Variants in SESN2 observed in about 807,000 individuals in gnomAD.
SESN2 encodes the protein sestrin-2.
A neutral mutation model predicts 56.0 loss-of-function variants in SESN2; 42 were observed. The observed-to-expected ratio is 0.75, with a 90% confidence interval of 0.59 to 0.97. The LOEUF (loss-of-function observed/expected upper bound fraction) is 0.97, where lower values mean the gene tolerates loss of function less well. Ranked by LOEUF, SESN2 falls within the 50% of genes least tolerant of loss-of-function variation. The pLI is 0.00. For synonymous variants in SESN2, 264 were observed against 267.1 expected, an observed-to-expected ratio of 0.99 and a Z score of 0.11; for missense variants, 507 against 649.4, an observed-to-expected ratio of 0.78 and a Z score of 2.38.
intron 1 of SESN2, among the ~76,000 whole-genome samples, chr1:28,265,231 C>T (rs1200480909): frequency 6.6e-6 from 1 of 152,190 alleles, no homozygotes; most frequent in African/African-American, 2.4e-5. Flanking sequence ...TTGGAGGGGT[C>T]ATTTCTTGGC....
Position 28,272,705 on chromosome 1 carries a change from A to T in SESN2, c.662A>T (p.Asp221Val), listed in dbSNP as rs767330696. The T allele has an allele frequency of 1.9e-6, 3 of 1,612,244 alleles. No homozygotes were observed. The highest frequency in any genetic ancestry group is 2.5e-6 in the Non-Finnish European group (3 of 1,178,386). Residue 221 changes from aspartate to valine, a missense_variant, in exon 5 of 10, where the codon GAT (aspartate) becomes GTT (valine). Transcript: ENST00000253063. ...GGCTGTGGCATCCTCCCTGAGGGGG[A>T]TGCAGATGGCAGCCCTGCCCCCCAG... ...VFGCGILPEG[D>V]ADGSPAPQAP...
intron 8 of SESN2, among the ~76,000 whole-genome samples, chr1:28,278,562 G>A (rs892863343): frequency 6.6e-6 from 1 of 152,178 alleles, no homozygotes; most frequent in Non-Finnish European, 1.5e-5. Flanking sequence ...GCGAGACTCC[G>A]TCTCAAAAGA....
At chr1:28,273,277 T>G in intron 5 of SESN2, 81 bp from the exon 6 acceptor site, 1 of 1,377,244 alleles carries the variant, frequency 7.3e-7, no homozygotes. Flanking sequence ...TAGGAAGGCC[T>G]GGCCTCTGGG....
chr1:28,274,708 C>A, intron 7 of SESN2, 117 bp from the exon 8 acceptor site: 1 of 804,086 alleles, frequency 1.2e-6, no homozygotes, highest in Non-Finnish European at 2.0e-6. Flanking sequence ...GCAAGCAGCA[C>A]GTTAGGTTTA....
chr1:28,271,732 C>T lies in SESN2; in HGVS notation c.215C>T (p.Ser72Phe), dbSNP rs1647782639. The T allele has an allele frequency of 1.2e-6, 2 of 1,614,086 alleles. No homozygotes were observed. Among genetic ancestry groups the T allele is most frequent in the Admixed American group, 3.3e-5 (2 of 60,006 alleles). ...CACCTGGGGCTGGAGGCACTGATGTCCTCTGGGCGAGTAGACAACCTGGCA... is the reference window on the plus strand; with the variant it reads ...CACCTGGGGCTGGAGGCACTGATGTTCTCTGGGCGAGTAGACAACCTGGCA... The part of the protein sequence containing the change: ...EQHLGLEALM[S>F]SGRVDNLAVV... Residue 72 changes from serine to phenylalanine, a missense_variant, in exon 3 of 10, where the codon TCC (serine) becomes TTC (phenylalanine). By Grantham distance (155) the Ser-to-Phe change is radical (BLOSUM62 -2). Transcript: ENST00000253063.
intron 1 of SESN2, among the ~76,000 whole-genome samples, chr1:28,267,238 C>G (rs1057394067): frequency 2.0e-5 from 3 of 152,178 alleles, no homozygotes; most frequent in Admixed American, 1.3e-4. Flanking sequence ...CTTGGACCAG[C>G]CTGGCCCGGA....
chr1:28,272,808 T>A lies in SESN2; in HGVS notation c.750+15T>A. ...ACAACTCTGGGGTAAGTCACGGGCC[T>A]GGGTCTTGATCGGGGAGGAAGCGGG... On this transcript the variant is annotated intron_variant, in intron 5 of 9. Coordinates refer to ENST00000253063, the MANE Select transcript of SESN2 (RefSeq NM_031459.5). 6.6e-7 allele frequency: 1 copy of A among 1,517,090 alleles called. No homozygotes were observed. The highest frequency in any genetic ancestry group is 9.0e-7 in the Non-Finnish European group (1 of 1,109,044). The allele number at this position is 1,517,090 out of a possible 1,614,324, so 94.0% of individuals were successfully genotyped here.
chr1:28,272,181 T>TG, intron 3 of SESN2, 103 bp from the exon 4 acceptor site: 2 of 1,221,558 alleles, frequency 1.6e-6, no homozygotes, highest in Admixed American at 4.1e-5. Flanking sequence ...TCCTGCCTCT[T>TG]GGGGAACAGT....
chr1:28,282,097 A>T lies in SESN2; in HGVS notation c.*1295A>T, dbSNP rs953753118. 6.6e-6 allele frequency: 1 copy of T among 152,262 alleles called. No homozygotes were observed. The highest frequency in any genetic ancestry group is 2.4e-5 in the African/African-American group (1 of 41,448). The allele number at this position is 152,262 out of a possible 1,614,324, so 9.4% of individuals were successfully genotyped here. On this transcript the variant is annotated 3_prime_UTR_variant, in exon 10 of 10. Transcript: ENST00000253063. Reference sequence around the variant, plus strand: ...AGGACCGATTCCAGGCACTTTCTGTAGCAAATGACTGTGAATTACGACTTC... The same window carrying T: ...AGGACCGATTCCAGGCACTTTCTGTTGCAAATGACTGTGAATTACGACTTC...
At chr1:28,279,313 C>T in intron 9 of SESN2, 72 bp downstream of exon 9, 5 of 1,531,936 alleles carry the variant, frequency 3.3e-6, no homozygotes, top group Middle Eastern at 2.3e-4. Context: ...GGGGTTAGGA[C>T]CCAGTGAGAG....
At chr1:28,261,625 C>G (rs1647377750) in intron 1 of SESN2, among the ~76,000 whole-genome samples, 1 of 152,128 alleles carries the variant, frequency 6.6e-6, no homozygotes, top group African/African-American at 2.4e-5. Context: ...CAAGGGGGTG[C>G]CTGAGCCTGT....
At chr1:28,270,350 CAAAA>C (rs1166312841) in intron 2 of SESN2, among the ~76,000 whole-genome samples, 2 of 99,242 alleles carry the variant, frequency 2.0e-5, no homozygotes. Context: ...GACTCCGTCT[CAAAA>C]AAAAAAAAAA....
At chr1:28,262,304 A>C (rs535731301) in intron 1 of SESN2, among the ~76,000 whole-genome samples, 4 of 152,030 alleles carry the variant, frequency 2.6e-5, no homozygotes, top group East Asian at 1.9e-4. Context: ...TATCTTCAGA[A>C]AGTTCCAAGG....
intron 2 of SESN2, among the ~76,000 whole-genome samples, chr1:28,269,866 T>A (rs984988302): frequency 2.6e-5 from 4 of 152,258 alleles, no homozygotes; most frequent in African/African-American, 7.2e-5. Context: ...TTAACATATC[T>A]ATTAAATGAT....
At chr1:28,273,101 T>C (rs1048203896) in intron 5 of SESN2, among the ~76,000 whole-genome samples, 11 of 152,242 alleles carry the variant, frequency 7.2e-5, no homozygotes, top group Non-Finnish European at 1.3e-4. Context: ...CTCTGTAATG[T>C]GGCCTTGTAT....
chr1:28,271,694 G>T lies in SESN2; in HGVS notation c.177G>T (p.Glu59Asp). The change falls in exon 3 of 10, where the codon GAG becomes GAT. Residue 59 changes from glutamate to aspartate, a missense_variant. Glu to Asp is a conservative substitution (Grantham distance 45). Transcript: ENST00000253063. ...PVEEVLREGA[E>D]SLEQHLGLEA... ...GGCAGGTCCTTCGGGAGGGGGCTGA[G>T]AGCCTCGAGCAGCACCTGGGGCTGG... 1 of 1,614,144 alleles carries T rather than the reference G, an allele frequency of 6.2e-7. No homozygotes were observed. The highest frequency in any genetic ancestry group is 8.5e-7 in the Non-Finnish European group (1 of 1,180,022).
intron 8 of SESN2, among the ~76,000 whole-genome samples, chr1:28,275,851 C>G (rs1376353951): frequency 6.6e-6 from 1 of 151,912 alleles, no homozygotes. Flanking sequence ...ACCAGGAGTT[C>G]AAGACGAGCT....
chr1:28,275,509 CT>C (rs1470239147), intron 8 of SESN2, among the ~76,000 whole-genome samples: 1 of 152,118 alleles, frequency 6.6e-6, no homozygotes, highest in African/African-American at 2.4e-5. Context: ...AATCCCAGCA[CT>C]TTGGGAGGCC....
Position 28,279,178 on chromosome 1 carries a change from C to T in SESN2, c.1293C>T (p.Tyr431=). Residue 431 remains tyrosine, a synonymous_variant, in exon 9 of 10, where the codon TAC becomes TAT. Coordinates refer to ENST00000253063, the MANE Select transcript of SESN2 (RefSeq NM_031459.5). ...TCTATATCAAGACAGTGGCCTGCTA[C>T]CCAGAGAAGACCACCCGAAGAATGT... ...LKVYIKTVAC[Y]PEKTTRRMYN... is the part of the protein sequence containing the mutation. 1.2e-6 allele frequency: 2 copies of T among 1,614,102 alleles called. No individual in the cohort carries two copies. Among genetic ancestry groups the T allele is most frequent in the Non-Finnish European group, 1.7e-6 (2 of 1,179,968 alleles).
Sources: allele counts gnomAD v4.1 joint callset (sites outside exome capture counted in the v4.1 genomes callset), GRCh38; gene constraint gnomAD v4.1.1; transcripts MANE v1.5; gene names NCBI Gene and HGNC (gene_info 2026-07-23, HGNC 2026-07-21).